Variants in STK32B observed in about 807,000 individuals in gnomAD.
The protein encoded by STK32B is serine/threonine kinase 32B.
STK32B carries 43 observed loss-of-function variants against 52.6 expected under a neutral mutation model. The observed-to-expected ratio is 0.82, with a 90% confidence interval of 0.64 to 1.05. The LOEUF (loss-of-function observed/expected upper bound fraction) is 1.05. Ranked by LOEUF, STK32B falls within the 50% of genes least tolerant of loss-of-function variation. STK32B has a pLI of 0.00. For synonymous variants in STK32B, 238 were observed against 204.3 expected (o/e 1.17, Z -1.41); for missense variants, 621 against 534.6 (o/e 1.16, Z -1.59).
At chr4:5,122,352 A>C (rs1341070459) in intron 1 of STK32B, among the ~76,000 whole-genome samples, 2 of 147,446 alleles carry the variant, frequency 1.4e-5, no homozygotes, top group Non-Finnish European at 3.0e-5. Flanking sequence ...TCACTGATTC[A>C]TGCACTTGTT....
intron 1 of STK32B, among the ~76,000 whole-genome samples, chr4:5,122,990 G>T (rs1358703820): frequency 3.3e-5 from 5 of 152,194 alleles, no homozygotes; most frequent in South Asian, 2.1e-4. Context: ...TCCTCCTGTG[G>T]CTGTGGAGCC....
rs547403622 is a variant in STK32B at position 5,169,547 on chromosome 4, G to T, written c.260+1097G>T. On this transcript the variant is annotated intron_variant, in intron 3 of 11. Coordinates refer to ENST00000282908, the MANE Select transcript of STK32B (RefSeq NM_018401.3). ...AGGAGAACAAAGAGGAACACAGATT[G>T]TCCCATCTGAGAAAATCAAGGTGTG... 2.9e-4 allele frequency among the ~76,000 whole-genome samples: 44 copies of T among 152,208 alleles called. No individual in the cohort carries two copies. The East Asian group carries it at 8.3e-3, about 29-fold the overall frequency.
chr4:5,250,599 C>G (rs1297865752), intron 3 of STK32B, among the ~76,000 whole-genome samples: 1 of 152,200 alleles, frequency 6.6e-6, no homozygotes, highest in African/African-American at 2.4e-5. Context: ...AGGCGTGAGC[C>G]ACCGTGCCCA....
intron 1 of STK32B, among the ~76,000 whole-genome samples, chr4:5,098,530 T>G (rs1713523290): frequency 6.6e-6 from 1 of 152,250 alleles, no homozygotes; most frequent in African/African-American, 2.4e-5. Context: ...GACTGCATGC[T>G]TAGAGTGTAC....
intron 2 of STK32B, among the ~76,000 whole-genome samples, chr4:5,140,640 GA>G (rs1716368973): frequency 6.6e-6 from 1 of 152,174 alleles, no homozygotes; most frequent in Admixed American, 6.5e-5. Flanking sequence ...GATTTGAGCT[GA>G]AGGCTGACCA....
intron 1 of STK32B, among the ~76,000 whole-genome samples, chr4:5,130,073 CAG>C (rs1293702900): frequency 6.6e-6 from 1 of 151,456 alleles, no homozygotes; most frequent in African/African-American, 2.4e-5. Context: ...ATTCCTAAAA[CAG>C]AAATAAAAAA....
At chr4:5,494,875 C>A (rs966430576) in intron 11 of STK32B, among the ~76,000 whole-genome samples, 4 of 152,088 alleles carry the variant, frequency 2.6e-5, no homozygotes, top group Admixed American at 6.5e-5. Context: ...GTTGAAAATT[C>A]TTTTCTTTAA....
At chr4:5,471,404 A>G (rs978544339) in intron 11 of STK32B, among the ~76,000 whole-genome samples, 1 of 152,094 alleles carries the variant, frequency 6.6e-6, no homozygotes, top group Non-Finnish European at 1.5e-5. Flanking sequence ...GTAGTGATGC[A>G]GGTACAAGCC....
chr4:5,186,414 C>G (rs1350624979), intron 3 of STK32B, among the ~76,000 whole-genome samples: 2 of 152,264 alleles, frequency 1.3e-5, no homozygotes, highest in East Asian at 3.9e-4. Context: ...CCCTGACATG[C>G]CAAATGCTGT....
intron 1 of STK32B, among the ~76,000 whole-genome samples, chr4:5,113,927 C>T (rs1291687365): frequency 3.9e-5 from 1 of 25,508 alleles, no homozygotes; most frequent in Non-Finnish European, 9.9e-5. Flanking sequence ...GGGAAACCCG[C>T]CCCCCTTTTT....
chr4:5,450,491 A>G (rs4688934), intron 7 of STK32B, among the ~76,000 whole-genome samples: 109,927 of 152,072 alleles, frequency 0.72, 40,114 homozygotes, highest in East Asian at 0.83. Flanking sequence ...TTCACTCTTG[A>G]ACAGCTGTAA....
At chr4:5,367,366 G>C (rs1456095296) in intron 4 of STK32B, among the ~76,000 whole-genome samples, 1 of 152,184 alleles carries the variant, frequency 6.6e-6, no homozygotes, top group Non-Finnish European at 1.5e-5. Context: ...GAACGTGACG[G>C]GGATGGTGGG....
At chr4:5,424,698 A>G (rs1345353628) in intron 6 of STK32B, among the ~76,000 whole-genome samples, 1 of 152,220 alleles carries the variant, frequency 6.6e-6, no homozygotes, top group African/African-American at 2.4e-5. Context: ...CCAGTTGTCC[A>G]TGTACCTCAT....
chr4:5,270,767 G>T (rs749680354), intron 3 of STK32B, among the ~76,000 whole-genome samples: 3 of 152,178 alleles, frequency 2.0e-5, no homozygotes, highest in Non-Finnish European at 4.4e-5. Flanking sequence ...AACTTTATTT[G>T]CTGGCAGATG....
chr4:5,446,729 G>T lies in STK32B; in HGVS notation c.619G>T (p.Asp207Tyr), dbSNP rs750813196. 6.2e-7 allele frequency: 1 copy of T among 1,614,046 alleles called. No homozygotes were observed. The highest frequency in any genetic ancestry group is 8.5e-7 in the Non-Finnish European group (1 of 1,180,010). Residue 207 changes from aspartate (D) to tyrosine (Y), a missense_variant, in exon 7 of 12, where the codon GAC (aspartate) becomes TAC (tyrosine). Coordinates refer to ENST00000282908, the MANE Select transcript of STK32B (RefSeq NM_018401.3). Reference protein sequence around the residue: ...DRGPGYSYPVDWWSLGITAYE... With the variant: ...DRGPGYSYPVYWWSLGITAYE... ...AGGCCCCGGATACTCGTACCCTGTC[G>T]ACTGGTGGTCCCTGGGCATCACAGC... is the stretch of plus-strand genomic sequence containing the variant.
chr4:5,235,196 T>C (rs10013895), intron 3 of STK32B, among the ~76,000 whole-genome samples: 117,451 of 152,200 alleles, frequency 0.77, 47,793 homozygotes, highest in Non-Finnish European at 0.92. Flanking sequence ...GTCTATAAAA[T>C]GGTGATTGCA....
In STK32B at chr4:5,404,657, G is replaced by A. The variant is rs143865319; in HGVS notation, c.472+6413G>A. Among the ~76,000 whole-genome samples, 129 of 151,616 alleles carry A rather than the reference G, an allele frequency of 8.5e-4. 2 individuals carry two copies. Among genetic ancestry groups the A allele is most frequent in the African/African-American group, 2.8e-3 (114 of 41,266 alleles). On this transcript the variant is annotated intron_variant, in intron 5 of 11. Coordinates refer to ENST00000282908, the MANE Select transcript of STK32B (RefSeq NM_018401.3). ...TTGGTCTCTTAATCTACCAACCTCC[G>A]AGAAATCATCATCCCACTCAGGCGT...
intron 1 of STK32B, among the ~76,000 whole-genome samples, chr4:5,068,310 C>T (rs1711547390): frequency 6.6e-6 from 1 of 152,132 alleles, no homozygotes; most frequent in South Asian, 2.1e-4. Flanking sequence ...GTCTCATGTT[C>T]ATAATACCAC....
rs899728197 is a variant in STK32B, at chr4:5,225,364, G to A, written c.260+56914G>A. Among the ~76,000 whole-genome samples the A allele has an allele frequency of 3.3e-5, 5 of 152,010 alleles. 1 individual carries two copies. The highest frequency in any genetic ancestry group is 7.4e-5 in the Non-Finnish European group (5 of 68,014). The stretch of plus-strand genomic sequence containing the variant: ...GGAGGTTGCTGTGAGCCGAGATCAC[G>A]CCATTGCACTCCAGCCTGGGTGACA... On this transcript the variant is annotated intron_variant, in intron 3 of 11. Coordinates refer to ENST00000282908, the MANE Select transcript of STK32B (RefSeq NM_018401.3).
Sources: gnomAD v4.1 joint callset for allele counts (sites outside exome capture counted in the v4.1 genomes callset) on GRCh38, gnomAD v4.1.1 for gene constraint, MANE v1.5 for transcripts, NCBI Gene and HGNC (gene_info 2026-07-23, HGNC 2026-07-21) for gene names.